Variants in CHD1 observed in about 807,000 individuals in gnomAD.
CHD1 encodes chromodomain helicase DNA binding protein 1, also known as ATP-dependent chromatin remodeler CHD1.
Under a neutral mutation model 224.2 loss-of-function variants are expected in CHD1, and 36 were observed. The ratio of observed to expected loss-of-function variants is 0.16; its 90% CI spans 0.12 to 0.21. CHD1 has a LOEUF of 0.21. CHD1 is among the 10% of genes least tolerant of loss of function. CHD1 has a pLI of 1.00. For missense variants in CHD1, 1,378 were observed against 1,994.8 expected (o/e 0.69, Z 5.89); for synonymous variants, 668 against 658.3 (o/e 1.01, Z -0.23).
At chr5:98,858,907 A>C in intron 34 of CHD1, 57 bp downstream of exon 34, 3 of 1,256,892 alleles carry the variant, frequency 2.4e-6, no homozygotes, top group Non-Finnish European at 3.2e-6. Flanking sequence ...TATTTAAAAC[A>C]AAAATTTAAA....
At chr5:98,873,441 T>C in intron 26 of CHD1, 152 bp downstream of exon 26, 1 of 557,590 alleles carries the variant, frequency 1.8e-6, no homozygotes, top group South Asian at 4.4e-5. Flanking sequence ...CTGTTCTCCA[T>C]TTCCTATTAC....
chr5:98,858,127 A>G (rs1355654382), intron 35 of CHD1, 53 bp downstream of exon 35: 3 of 1,398,906 alleles, frequency 2.1e-6, no homozygotes, highest in East Asian at 2.3e-5. Context: ...GAACATCATG[A>G]TAAGGAGAAA....
At chr5:98,866,298 T>C (rs1748862728) in intron 31 of CHD1, among the ~76,000 whole-genome samples, 1 of 152,132 alleles carries the variant, frequency 6.6e-6, no homozygotes, top group Non-Finnish European at 1.5e-5. Flanking sequence ...TCCCAGTGAC[T>C]GGAAGAATGT....
At position 98,881,309 on chromosome 5, in the gene CHD1, C is replaced by A; in HGVS notation, c.2934G>T (p.Lys978Asn). 1 of 1,396,010 alleles carries A rather than the reference C, an allele frequency of 7.2e-7. No individual in the cohort carries two copies. The allele number at this position is 1,396,010 out of a possible 1,614,324, so 86.5% of individuals were successfully genotyped here. Residue 978 changes from lysine (K) to asparagine (N), a missense_variant, in exon 21 of 36, where the codon AAG becomes AAT. By Grantham distance (94) the Lys-to-Asn change is moderately conservative (BLOSUM62 0). Coordinates refer to ENST00000614616, the MANE Select transcript of CHD1 (RefSeq NM_001270.4). ...ILKFGAEELF[K>N]EPEGEEQEPQ... is the part of the protein sequence containing the mutation. ...GCTCTTGTTCTTCTCCTTCAGGTTC[C>A]TTAAAAAGTTCTTCAGCACCAAACT...
At chr5:98,917,313 A>AAAAAAAAAAAAAAAAAAAACC (rs1561546069) in intron 2 of CHD1, among the ~76,000 whole-genome samples, 2 of 144,174 alleles carry the variant, frequency 1.4e-5, no homozygotes, top group African/African-American at 5.5e-5. Context: ...AAAAAAAAAC[A>AAAAAAAAAAAAAAAAAAAACC]ACCTCTTAAT....
Position 98,926,414 on chromosome 5 carries a change from G to C in CHD1, c.-28C>G. Reference sequence around the variant, plus strand: ...TAAATTATTATCAAGAAGTTTTAAAGTAAAATATAAATCTTCCCAGTTTAA... The same window carrying C: ...TAAATTATTATCAAGAAGTTTTAAACTAAAATATAAATCTTCCCAGTTTAA... On this transcript the variant is annotated 5_prime_UTR_variant, in exon 2 of 36. Transcript: ENST00000614616. 1 of 1,265,852 alleles carries C rather than the reference G, an allele frequency of 7.9e-7. No individual in the cohort carries two copies. The highest frequency in any genetic ancestry group is 1.1e-6 in the Non-Finnish European group (1 of 916,828). 78.4% of individuals were successfully genotyped at this position (1,265,852 alleles called of 1,614,324 possible). A position where few individuals can be genotyped will look rare whatever the true frequency, so the allele number is the denominator to read the frequency against.
At chr5:98,898,480 A>G in intron 9 of CHD1, 46 bp from the exon 10 acceptor site, 1 of 1,411,212 alleles carries the variant, frequency 7.1e-7, no homozygotes, top group Non-Finnish European at 9.4e-7. Flanking sequence ...TTTTTTTTAC[A>G]TTTAATCATC....
intron 26 of CHD1, 62 bp downstream of exon 26, chr5:98,873,531 A>G (rs1187885113): frequency 7.6e-7 from 1 of 1,308,734 alleles, no homozygotes; most frequent in African/African-American, 1.5e-5. Flanking sequence ...ATCTAGCTCA[A>G]TAAAGCATAT....
chr5:98,882,647 T>G (rs1270118928), intron 19 of CHD1, among the ~76,000 whole-genome samples: 1 of 152,160 alleles, frequency 6.6e-6, no homozygotes, highest in African/African-American at 2.4e-5. Context: ...TAGGTAAAGG[T>G]TCAGTACCAC....
chr5:98,881,249 G>C, intron 21 of CHD1, 30 bp downstream of exon 21: 1 of 1,123,438 alleles, frequency 8.9e-7, no homozygotes, highest in East Asian at 2.6e-5. Flanking sequence ...TTCTGAGGCA[G>C]GCCTTTTTTT....
At chr5:98,916,870 T>C (rs911118350) in intron 2 of CHD1, among the ~76,000 whole-genome samples, 3 of 152,194 alleles carry the variant, frequency 2.0e-5, no homozygotes, top group Non-Finnish European at 4.4e-5. Flanking sequence ...ATTAGAAATT[T>C]TGGTACCCCT....
At chr5:98,857,564 TCA>T (rs1391829085) in intron 35 of CHD1, among the ~76,000 whole-genome samples, 5 of 152,070 alleles carry the variant, frequency 3.3e-5, no homozygotes, top group African/African-American at 9.7e-5. Context: ...ACTATAAATC[TCA>T]GTTTTCAAGT....
At position 98,897,337 on chromosome 5, in the gene CHD1, CATT is replaced by C; in HGVS notation, c.1366-20_1366-18del. ...TTTTAATACCTTTAGTAGAAATAAACATTATTATGTAGAGTTATTAAATATAAG... is the reference window on the plus strand; with the variant it reads ...TTTTAATACCTTTAGTAGAAATAAACATTATGTAGAGTTATTAAATATAAG... On this transcript the variant is annotated intron_variant, in intron 10 of 35. Coordinates refer to ENST00000614616, the MANE Select transcript of CHD1 (RefSeq NM_001270.4). 1 of 1,531,568 alleles carries C rather than the reference CATT, an allele frequency of 6.5e-7. No individual in the cohort carries two copies. Among genetic ancestry groups the C allele is most frequent in the Non-Finnish European group, 8.9e-7 (1 of 1,119,008 alleles). The allele number at this position is 1,531,568 out of a possible 1,614,324, so 94.9% of individuals were successfully genotyped here. A position where few individuals can be genotyped will look rare whatever the true frequency, so the allele number is the denominator to read the frequency against.
At chr5:98,923,418 ATTTTT>A (rs5869836) in intron 2 of CHD1, among the ~76,000 whole-genome samples, 2 of 145,880 alleles carry the variant, frequency 1.4e-5, no homozygotes, top group African/African-American at 2.5e-5. Context: ...GCAAGGTTTA[ATTTTT>A]TTTTTTTTTT....
At chr5:98,911,227 C>A (rs569766352) in intron 2 of CHD1, among the ~76,000 whole-genome samples, 3 of 142,266 alleles carry the variant, frequency 2.1e-5, no homozygotes, top group Non-Finnish European at 4.5e-5. Context: ...TGAGAGCCCA[C>A]TTGAAGGGGC....
chr5:98,883,861 ATTTTTTTT>A (rs869265354), intron 18 of CHD1: 5 of 33,250 alleles, frequency 1.5e-4, no homozygotes, highest in African/African-American at 2.2e-4. Flanking sequence ...ATATATATAT[ATTTTTTTT>A]TTTTTTTTTT....
chr5:98,917,660 G>C (rs560135142), intron 2 of CHD1, among the ~76,000 whole-genome samples: 85 of 152,302 alleles, frequency 5.6e-4, no homozygotes, highest in Non-Finnish European at 1.2e-3. Flanking sequence ...TTATGCCTCA[G>C]TTCTGAGAGA....
chr5:98,893,877 G>A (rs1210231491), intron 13 of CHD1, among the ~76,000 whole-genome samples: 1 of 151,964 alleles, frequency 6.6e-6, no homozygotes, highest in Non-Finnish European at 1.5e-5. Context: ...AATCAGCAGT[G>A]TCATTTAAAA....
At position 98,881,276 on chromosome 5, in the gene CHD1, T is replaced by TTC; in HGVS notation, c.2964+2_2964+3insGA. On this transcript the variant is annotated splice_region_variant and intron_variant, in intron 21 of 35. Coordinates refer to ENST00000614616, the MANE Select transcript of CHD1 (RefSeq NM_001270.4). ...CCTTTTTTTTTTTTTTTTTTTTTTT[T>TTC]ACCTGGGGCTCTTGTTCTTCTCCTT... 2 of 1,213,478 alleles carry TTC rather than the reference T, an allele frequency of 1.6e-6. No homozygotes were observed. Among genetic ancestry groups the TTC allele is most frequent in the Non-Finnish European group, 2.3e-6 (2 of 888,500 alleles). The allele number at this position is 1,213,478 out of a possible 1,614,324, so 75.2% of individuals were successfully genotyped here. A position where few individuals can be genotyped will look rare whatever the true frequency, so the allele number is the denominator to read the frequency against.
Sources: allele counts gnomAD v4.1 joint callset (sites outside exome capture counted in the v4.1 genomes callset), GRCh38; gene constraint gnomAD v4.1.1; transcripts MANE v1.5; gene names NCBI Gene and HGNC (gene_info 2026-07-23, HGNC 2026-07-21).